UST: variants seen among roughly 807,000 people sequenced by gnomAD.
UST encodes uronyl 2-sulfotransferase.
UST carries 21 observed loss-of-function variants against 45.6 expected under a neutral mutation model. The observed-to-expected ratio is 0.46, with a 90% CI of 0.33 to 0.66. The LOEUF is 0.66. UST is among the 30% of genes least tolerant of loss of function. UST has a pLI of 0.02. For missense variants in UST, 463 were observed against 512.4 expected (o/e 0.90, Z 0.93); for synonymous variants, 215 against 200.6 (o/e 1.07, Z -0.61).
intron 7 of UST, among the ~76,000 whole-genome samples, chr6:149,035,672 C>G (rs527354787): frequency 6.6e-6 from 1 of 151,730 alleles, no homozygotes; most frequent in Non-Finnish European, 1.5e-5. Context: ...GTGGGAGGAT[C>G]GCTTGAGCCC....
At chr6:148,982,342 G>A (rs1013920110) in intron 5 of UST, among the ~76,000 whole-genome samples, 7 of 151,892 alleles carry the variant, frequency 4.6e-5, no homozygotes, top group African/African-American at 7.3e-5. Flanking sequence ...CAAATGATCC[G>A]CCCAACTCGG....
chr6:149,029,003 C>A (rs999880268), intron 7 of UST, among the ~76,000 whole-genome samples: 1 of 152,118 alleles, frequency 6.6e-6, no homozygotes, highest in Non-Finnish European at 1.5e-5. Flanking sequence ...GAATTAATAA[C>A]CTTTGTCCAG....
chr6:148,801,937 T>C (rs148517223), intron 1 of UST, among the ~76,000 whole-genome samples: 44 of 152,346 alleles, frequency 2.9e-4, no homozygotes, highest in African/African-American at 1.0e-3. Flanking sequence ...GCTAATTGTT[T>C]CTCTGGCTTT....
At chr6:148,808,721 T>G (rs1777197505) in intron 1 of UST, among the ~76,000 whole-genome samples, 1 of 152,128 alleles carries the variant, frequency 6.6e-6, no homozygotes, top group East Asian at 1.9e-4. Flanking sequence ...CAGCCCCCAA[T>G]GTCATGGTAT....
intron 5 of UST, among the ~76,000 whole-genome samples, chr6:148,992,458 G>T (rs1781373609): frequency 1.3e-5 from 2 of 152,180 alleles, no homozygotes; most frequent in Non-Finnish European, 2.9e-5. Context: ...GAGAGAGTGA[G>T]ATTACGTCTC....
At chr6:149,038,090 A>C (rs1776262426) in intron 7 of UST, among the ~76,000 whole-genome samples, 1 of 152,130 alleles carries the variant, frequency 6.6e-6, no homozygotes, top group South Asian at 2.1e-4. Context: ...TTTTTGACCC[A>C]AAACCTTTAA....
At chr6:148,900,998 C>T (rs1424842980) in intron 2 of UST, among the ~76,000 whole-genome samples, 1 of 152,216 alleles carries the variant, frequency 6.6e-6, no homozygotes. Flanking sequence ...TTTATCAGGA[C>T]CCTTGTGATT....
intron 5 of UST, among the ~76,000 whole-genome samples, chr6:148,968,026 G>T (rs1041535760): frequency 6.6e-6 from 1 of 152,220 alleles, no homozygotes; most frequent in African/African-American, 2.4e-5. Context: ...GTGTGGGAAC[G>T]GGCCTGGGAT....
chr6:148,858,379 T>C (rs1300348349), intron 1 of UST, among the ~76,000 whole-genome samples: 1 of 152,082 alleles, frequency 6.6e-6, no homozygotes, highest in African/African-American at 2.4e-5. Context: ...GGGAGAAAGA[T>C]GGAGAAAGCT....
At chr6:148,861,438 CA>C (rs1391858429) in intron 1 of UST, among the ~76,000 whole-genome samples, 1 of 151,936 alleles carries the variant, frequency 6.6e-6, no homozygotes, top group African/African-American at 2.4e-5. Context: ...TTGATCTTTT[CA>C]AAAAACCAGC....
At chr6:149,001,757 A>G (rs1781554320) in intron 5 of UST, among the ~76,000 whole-genome samples, 1 of 152,238 alleles carries the variant, frequency 6.6e-6, no homozygotes, top group African/African-American at 2.4e-5. Context: ...AACAGTGAAC[A>G]GAGCTGTTGA....
intron 3 of UST, among the ~76,000 whole-genome samples, chr6:148,946,476 A>T (rs1780237844): frequency 7.5e-6 from 1 of 132,554 alleles, no homozygotes; most frequent in African/African-American, 2.8e-5. Flanking sequence ...GCACGACTGC[A>T]CTCCAGCCTG....
chr6:148,863,401 A>G (rs969028351), intron 1 of UST, among the ~76,000 whole-genome samples: 10 of 152,122 alleles, frequency 6.6e-5, no homozygotes, highest in African/African-American at 2.4e-4. Context: ...CATTTGTCTA[A>G]TCTTTTTTCA....
intron 1 of UST, among the ~76,000 whole-genome samples, chr6:148,759,113 G>C (rs984963851): frequency 6.6e-6 from 1 of 152,154 alleles, no homozygotes; most frequent in African/African-American, 2.4e-5. Context: ...TTAGATCCAT[G>C]ATTCTCAGCT....
chr6:149,028,605 G>A (rs1776087086), intron 7 of UST, among the ~76,000 whole-genome samples: 1 of 152,228 alleles, frequency 6.6e-6, no homozygotes, highest in African/African-American at 2.4e-5. Context: ...GACTTGGGCA[G>A]AGAGGAACGA....
In UST at chr6:148,747,134, A is replaced by AGGCGCGGCGG. The variant is rs1554287403; in HGVS notation, c.-289_-280dup. 6.7e-6 allele frequency among the ~76,000 whole-genome samples: 1 copy of AGGCGCGGCGG among 149,784 alleles called. No homozygotes were observed. Among genetic ancestry groups the AGGCGCGGCGG allele is most frequent in the Non-Finnish European group, 1.5e-5 (1 of 67,164 alleles). Reference sequence around the variant, plus strand: ...GCCCCGGCGGCCGCAAGCGAGCCCGAGGCGCGGCGGGGCGCGGGGCGTGGG... The same window carrying AGGCGCGGCGG: ...GCCCCGGCGGCCGCAAGCGAGCCCGAGGCGCGGCGGGGCGCGGCGGGGCGCGGGGCGTGGG... On this transcript the variant is annotated 5_prime_UTR_variant, in exon 1 of 8. Transcript: ENST00000367463.
At chr6:148,945,402 C>T (rs888787284) in intron 3 of UST, among the ~76,000 whole-genome samples, 3 of 152,158 alleles carry the variant, frequency 2.0e-5, no homozygotes, top group Non-Finnish European at 4.4e-5. Flanking sequence ...TCAGCAGAGC[C>T]TTTTAAAACC....
At chr6:149,018,930 C>T (rs1775943004) in intron 5 of UST, among the ~76,000 whole-genome samples, 1 of 152,192 alleles carries the variant, frequency 6.6e-6, no homozygotes, top group African/African-American at 2.4e-5. Flanking sequence ...CATGCACTCT[C>T]TAAAATGGCC....
At chr6:148,906,195 A>G (rs1355535538) in intron 2 of UST, among the ~76,000 whole-genome samples, 1 of 152,162 alleles carries the variant, frequency 6.6e-6, no homozygotes, top group Non-Finnish European at 1.5e-5. Context: ...GCCCAGAGTC[A>G]CTTACCTGCC....
Sources: gnomAD v4.1 joint callset for allele counts (sites outside exome capture counted in the v4.1 genomes callset) on GRCh38, gnomAD v4.1.1 for gene constraint, MANE v1.5 for transcripts, NCBI Gene and HGNC (gene_info 2026-07-23, HGNC 2026-07-21) for gene names.